ABCB11: variants seen among roughly 807,000 people sequenced by gnomAD.
The protein encoded by ABCB11 is ATP binding cassette subfamily B member 11.
Under a neutral mutation model 148.0 loss-of-function variants are expected in ABCB11, and 95 were observed. That is an observed-to-expected ratio of 0.64 (90% CI 0.54 to 0.76). ABCB11 has a LOEUF of 0.76. ABCB11 is among the 30% of genes least tolerant of loss of function. The pLI is 0.00. For synonymous variants in ABCB11, 591 were observed against 555.4 expected (o/e 1.06, Z -0.90); for missense variants, 1,523 against 1,617.8 (o/e 0.94, Z 1.01).
intron 19 of ABCB11, among the ~76,000 whole-genome samples, chr2:168,946,078 A>G (rs984933827): frequency 3.3e-5 from 5 of 151,894 alleles, no homozygotes; most frequent in Admixed American, 1.3e-4. Context: ...AAGAAAAATG[A>G]AAGAACATAC....
intron 1 of ABCB11, among the ~76,000 whole-genome samples, chr2:169,020,089 T>G (rs974353002): frequency 5.3e-5 from 8 of 152,230 alleles, no homozygotes; most frequent in South Asian, 2.1e-4. Flanking sequence ...CAAAAGAACA[T>G]AATTAAAACT....
intron 18 of ABCB11, among the ~76,000 whole-genome samples, chr2:168,960,262 CCT>C (rs1693012419): frequency 1.3e-5 from 2 of 151,676 alleles, no homozygotes; most frequent in Non-Finnish European, 3.0e-5. Flanking sequence ...CTCCAAGGCT[CCT>C]CTCACCACTA....
intron 23 of ABCB11, among the ~76,000 whole-genome samples, chr2:168,934,051 G>A (rs1386257347): frequency 1.3e-5 from 2 of 151,948 alleles, no homozygotes; most frequent in African/African-American, 4.8e-5. Flanking sequence ...CACCCAGCCT[G>A]TAGCCCCAGA....
At chr2:168,924,011 A>C (rs1230757806) in intron 27 of ABCB11, among the ~76,000 whole-genome samples, 189 bp from the exon 28 acceptor site, 2 of 152,208 alleles carry the variant, frequency 1.3e-5, no homozygotes, top group Non-Finnish European at 2.9e-5. Context: ...ATGGCAGTGC[A>C]CTGGCTGAGA....
At chr2:169,011,373 T>C (rs755789432) in intron 5 of ABCB11, among the ~76,000 whole-genome samples, 22 of 152,200 alleles carry the variant, frequency 1.4e-4, no homozygotes, top group South Asian at 2.1e-4. Flanking sequence ...AGTTCACTTC[T>C]GTCCTCCCGC....
chr2:168,927,226 A>G lies in ABCB11; in HGVS notation c.3548T>C (p.Ile1183Thr), dbSNP rs143484849. Residue 1183 changes from isoleucine (I) to threonine (T), a missense_variant, in exon 26 of 28, where the codon ATT becomes ACT. Transcript: ENST00000650372. ...NIKYGDNTKEIPMERVIAAAK... is the reference protein window; with the variant it reads ...NIKYGDNTKETPMERVIAAAK... ...AGCTGCTATGACTCTTTCCATGGGAATTTCTTTGGTGTTGTCTCCATACTT... is the reference window on the plus strand; with the variant it reads ...AGCTGCTATGACTCTTTCCATGGGAGTTTCTTTGGTGTTGTCTCCATACTT... The G allele has an allele frequency of 2.2e-4, 355 of 1,613,846 alleles. 1 individual carries two copies. The African/African-American group carries it at 3.8e-3, about 17-fold the overall frequency.
chr2:168,998,233 G>A (rs2106019198), intron 5 of ABCB11, among the ~76,000 whole-genome samples: 1 of 152,072 alleles, frequency 6.6e-6, no homozygotes, highest in Admixed American at 6.6e-5. Flanking sequence ...TCCCAAACCA[G>A]AAAACTATAA....
chr2:169,012,738 T>TAAA (rs78964015), intron 5 of ABCB11, among the ~76,000 whole-genome samples: 7 of 123,712 alleles, frequency 5.7e-5, no homozygotes, highest in South Asian at 2.6e-4. Flanking sequence ...GACTCCATCT[T>TAAA]AAAAAAAAAA....
At chr2:168,995,830 T>TA (rs1383553258) in intron 6 of ABCB11, among the ~76,000 whole-genome samples, 1 of 151,960 alleles carries the variant, frequency 6.6e-6, no homozygotes, top group East Asian at 1.9e-4. Context: ...TAACTATTTT[T>TA]AATGCCATTT....
intron 17 of ABCB11, among the ~76,000 whole-genome samples, chr2:168,965,364 T>C (rs1364442358): frequency 1.3e-5 from 2 of 151,750 alleles, no homozygotes; most frequent in South Asian, 2.1e-4. Context: ...TTAAAGTATT[T>C]AGTGCTGGGA....
intron 19 of ABCB11, among the ~76,000 whole-genome samples, chr2:168,957,542 T>C (rs1692853148): frequency 6.6e-6 from 1 of 151,714 alleles, no homozygotes; most frequent in African/African-American, 2.4e-5. Context: ...CGTGGAGAAT[T>C]ATACATCAAA....
At chr2:168,945,687 G>A (rs573988578) in intron 19 of ABCB11, among the ~76,000 whole-genome samples, 1 of 151,548 alleles carries the variant, frequency 6.6e-6, no homozygotes, top group East Asian at 2.0e-4. Flanking sequence ...GGAGGGAATC[G>A]AGATCTGGAA....
chr2:168,993,808 C>T lies in ABCB11; in HGVS notation c.686G>A (p.Cys229Tyr). Reference protein sequence around the residue: ...LFIQRMTSTICGFLLGFFRGW... With the variant: ...LFIQRMTSTIYGFLLGFFRGW... The stretch of plus-strand genomic sequence containing the variant: ...CCTGAAAAATCCCAACAGGAAACCA[C>T]AGATGGTCGAGGTCATGCGCTGAAT... Residue 229 changes from cysteine (C) to tyrosine (Y), a missense_variant, in exon 8 of 28, where the codon TGT (cysteine) becomes TAT (tyrosine). Coordinates refer to ENST00000650372, the MANE Select transcript of ABCB11 (RefSeq NM_003742.4). 6.2e-7 allele frequency: 1 copy of T among 1,611,650 alleles called. No homozygotes were observed.
At chr2:168,975,080 T>A (rs1574455545) in intron 12 of ABCB11, among the ~76,000 whole-genome samples, 1 of 127,704 alleles carries the variant, frequency 7.8e-6, no homozygotes, top group African/African-American at 2.9e-5. Flanking sequence ...AATATATAAA[T>A]ATTTTTATAT....
intron 23 of ABCB11, among the ~76,000 whole-genome samples, chr2:168,934,793 C>A (rs1691741730): frequency 6.6e-6 from 1 of 152,210 alleles, no homozygotes; most frequent in Admixed American, 6.5e-5. Flanking sequence ...TTTTTCTATT[C>A]CTTAAACCTG....
intron 13 of ABCB11, 103 bp from the exon 14 acceptor site, chr2:168,972,153 A>G (rs1693612172): frequency 2.0e-5 from 20 of 999,726 alleles, no homozygotes; most frequent in Middle Eastern, 2.1e-4. Flanking sequence ...ATAGAGGCCA[A>G]TAAGATTCTA....
intron 19 of ABCB11, among the ~76,000 whole-genome samples, chr2:168,949,586 C>T (rs1692470627): frequency 6.6e-6 from 1 of 151,528 alleles, no homozygotes; most frequent in Non-Finnish European, 1.5e-5. Context: ...TTTCTTTATC[C>T]AATCCTCTGT....
intron 5 of ABCB11, among the ~76,000 whole-genome samples, chr2:169,007,696 G>A (rs907256495): frequency 5.3e-5 from 8 of 151,616 alleles, no homozygotes; most frequent in Admixed American, 2.6e-4. Flanking sequence ...ACACTTTAGT[G>A]GTTCAAAGGT....
intron 8 of ABCB11, among the ~76,000 whole-genome samples, chr2:168,993,274 A>G (rs994951602): frequency 6.6e-6 from 1 of 152,048 alleles, no homozygotes; most frequent in African/African-American, 2.4e-5. Context: ...CAATAGGCAT[A>G]TTGGAGAGTG....
Sources: allele counts gnomAD v4.1 joint callset (sites outside exome capture counted in the v4.1 genomes callset), GRCh38; gene constraint gnomAD v4.1.1; transcripts MANE v1.5; gene names NCBI Gene and HGNC (gene_info 2026-07-23, HGNC 2026-07-21).